Variants in GRAP2 observed in about 807,000 individuals in gnomAD.
GRAP2 encodes the protein GRB2-related adapter protein 2.
In GRAP2, 31 loss-of-function variants were observed where a neutral mutation model predicts 43.5. The observed-to-expected ratio is 0.71, with a 90% CI of 0.54 to 0.96. GRAP2 has a LOEUF of 0.96. Among genes scored for constraint, GRAP2 ranks in the 40% least tolerant of loss-of-function variants. The pLI is 0.00. For synonymous variants in GRAP2, 156 were observed against 164.8 expected (o/e 0.95, Z 0.41); for missense variants, 371 against 424.4 (o/e 0.87, Z 1.11).
intron 1 of GRAP2, among the ~76,000 whole-genome samples, chr22:39,901,960 A>T (rs2066496167): frequency 6.6e-6 from 1 of 152,062 alleles, no homozygotes; most frequent in Non-Finnish European, 1.5e-5. Context: ...CTTTGTCCCA[A>T]CTCTTCCTGA....
chr22:39,939,874 C>T (rs1279153523), intron 1 of GRAP2, among the ~76,000 whole-genome samples: 1 of 151,086 alleles, frequency 6.6e-6, no homozygotes, highest in Admixed American at 6.6e-5. Flanking sequence ...GTGCCACTGC[C>T]CTCCAGCCTG....
At chr22:39,916,735 A>C (rs1335331521) in intron 1 of GRAP2, among the ~76,000 whole-genome samples, 1 of 152,240 alleles carries the variant, frequency 6.6e-6, no homozygotes, top group Non-Finnish European at 1.5e-5. Flanking sequence ...CTTCTTGTGC[A>C]GAGTGCGGGG....
chr22:39,921,218 GA>G (rs1302384806), intron 1 of GRAP2, among the ~76,000 whole-genome samples: 1 of 152,150 alleles, frequency 6.6e-6, no homozygotes, highest in Admixed American at 6.5e-5. Context: ...AGCCAGCCTG[GA>G]TTTGAATTTC....
chr22:39,901,134 G>A lies in GRAP2; in HGVS notation c.-211G>A. 1 of 431,530 alleles carries A rather than the reference G, an allele frequency of 2.3e-6. No individual in the cohort carries two copies. The highest frequency in any genetic ancestry group is 1.7e-5 in the South Asian group (1 of 57,244). The allele number at this position is 431,530 out of a possible 1,614,324, so 26.7% of individuals were successfully genotyped here. ...TTTGGAGGAGGGAGTAAGAGGTGGGGAGGAGGAGGCACAGTTAATGGATCT... is the reference window on the plus strand; with the variant it reads ...TTTGGAGGAGGGAGTAAGAGGTGGGAAGGAGGAGGCACAGTTAATGGATCT... On this transcript the variant is annotated 5_prime_UTR_variant, in exon 1 of 8. Coordinates refer to ENST00000344138, the MANE Select transcript of GRAP2 (RefSeq NM_004810.4).
intron 5 of GRAP2, among the ~76,000 whole-genome samples, chr22:39,966,652 T>TGGG (rs1325381045): frequency 2.0e-5 from 3 of 152,082 alleles, no homozygotes; most frequent in Non-Finnish European, 4.4e-5. Flanking sequence ...ATGATGGGAT[T>TGGG]GGGGGTAGGG....
At chr22:39,894,080 A>C in the GRAP2 span, among the ~76,000 whole-genome samples, 1 of 152,024 alleles carries the variant, frequency 6.6e-6, no homozygotes, top group African/African-American at 2.4e-5. Flanking sequence ...CAACGTAAAA[A>C]CGGACATTAA....
chr22:39,909,922 G>A lies in GRAP2; in HGVS notation c.-15+8592G>A, dbSNP rs529170523. ...ATCTGTTTATTTTGCAAACAACAAA[G>A]AGTCAGAAGAGCCATGTGAAGTTTC... On this transcript the variant is annotated intron_variant, in intron 1 of 7. Coordinates refer to ENST00000344138, the MANE Select transcript of GRAP2 (RefSeq NM_004810.4). 1.8e-3 allele frequency among the ~76,000 whole-genome samples: 281 copies of A among 152,262 alleles called. 2 individuals carry two copies. The highest frequency in any genetic ancestry group is 0.01 in the Middle Eastern group (3 of 294).
intron 3 of GRAP2, among the ~76,000 whole-genome samples, chr22:39,958,637 A>G (rs2067083666): frequency 2.0e-5 from 3 of 152,220 alleles, no homozygotes; most frequent in Admixed American, 2.0e-4. Context: ...TGATTTTTAC[A>G]AATCTTTAAA....
chr22:39,896,695 TG>T (rs1238624502), upstream of GRAP2, among the ~76,000 whole-genome samples: 2 of 152,132 alleles, frequency 1.3e-5, no homozygotes, highest in Non-Finnish European at 2.9e-5. Flanking sequence ...TGGTTAGGCT[TG>T]GCAAAAGTGT....
rs1426952536 is a variant in GRAP2, at chr22:39,966,150, G to A, written c.451G>A (p.Glu151Lys). 2 of 1,613,920 alleles carry A rather than the reference G, an allele frequency of 1.2e-6. No individual in the cohort carries two copies. Among genetic ancestry groups the A allele is most frequent in the African/African-American group, 2.7e-5 (2 of 75,016 alleles). ...GATCTTCCTTAGAGACAGAACCCGAGAAGACCAGGTATGCTCCAGATCCAG... is the reference window on the plus strand; with the variant it reads ...GATCTTCCTTAGAGACAGAACCCGAAAAGACCAGGTATGCTCCAGATCCAG... ...KQIFLRDRTR[E>K]DQGHRGNSLD... The change falls in exon 5 of 8, where the codon GAA (glutamate) becomes AAA (lysine). Residue 151 changes from glutamate (E) to lysine (K), a missense_variant. Physicochemically the swap from Glu to Lys is moderately conservative, Grantham distance 56 (BLOSUM62 1). Transcript: ENST00000344138.
intron 2 of GRAP2, among the ~76,000 whole-genome samples, chr22:39,950,433 C>T (rs2145642854): frequency 6.6e-6 from 1 of 152,348 alleles, no homozygotes; most frequent in Non-Finnish European, 1.5e-5. Context: ...GTCTACTCCA[C>T]TAGCAAAAGC....
Position 39,973,674 on chromosome 22 carries a change from G to A in GRAP2, c.*2590G>A, listed in dbSNP as rs2067267397. 1 of 152,232 alleles carries A rather than the reference G, an allele frequency of 6.6e-6. No homozygotes were observed. Among genetic ancestry groups the A allele is most frequent in the Admixed American group, 6.5e-5 (1 of 15,282 alleles). The allele number at this position is 152,232 out of a possible 1,614,324, so 9.4% of individuals were successfully genotyped here. A position where few individuals can be genotyped will look rare whatever the true frequency, so the allele number is the denominator to read the frequency against. On this transcript the variant is annotated 3_prime_UTR_variant, in exon 8 of 8. Coordinates refer to ENST00000344138, the MANE Select transcript of GRAP2 (RefSeq NM_004810.4). ...ACTGTCCACATTATGGAGGGGAGGG[G>A]GAAAGAGAGCTCAACCCCCCTCAGC...
At chr22:39,962,308 A>G (rs2067127803) in intron 4 of GRAP2, among the ~76,000 whole-genome samples, 1 of 151,888 alleles carries the variant, frequency 6.6e-6, no homozygotes, top group Non-Finnish European at 1.5e-5. Context: ...TGTGGTCCCA[A>G]CTACTTGGGA....
chr22:39,962,645 A>G (rs1352224009), intron 4 of GRAP2, among the ~76,000 whole-genome samples: 1 of 151,774 alleles, frequency 6.6e-6, no homozygotes, highest in East Asian at 1.9e-4. Context: ...TCAGCTAGAA[A>G]CTATGGTTTT....
chr22:39,969,454 G>A lies in GRAP2; in HGVS notation c.734G>A (p.Gly245Asp), dbSNP rs775298849. ...CTTGACATAAATGATGGGCATTGTG[G>A]CACCGGCTTGGGCAGTGAAATGAAT... ...GSLDINDGHCGTGLGSEMNAA... is the reference protein window; with the variant it reads ...GSLDINDGHCDTGLGSEMNAA... Residue 245 changes from glycine to aspartate, a missense_variant, in exon 7 of 8, where the codon GGC (glycine) becomes GAC (aspartate). Physicochemically the swap from Gly to Asp is moderately conservative, Grantham distance 94. Coordinates refer to ENST00000344138, the MANE Select transcript of GRAP2 (RefSeq NM_004810.4). 6.2e-6 allele frequency: 10 copies of A among 1,613,856 alleles called. No individual in the cohort carries two copies. The South Asian group carries it at 7.7e-5, about 12-fold the overall frequency.
chr22:39,965,941 T>G, intron 4 of GRAP2, 49 bp from the exon 5 acceptor site: 9 of 1,486,788 alleles, frequency 6.1e-6, no homozygotes, highest in Non-Finnish European at 7.5e-6. Flanking sequence ...CTGGAGGTGG[T>G]GACATTATCA....
chr22:39,910,990 C>G (rs1475742737), intron 1 of GRAP2, among the ~76,000 whole-genome samples: 1 of 152,128 alleles, frequency 6.6e-6, no homozygotes, highest in African/African-American at 2.4e-5. Context: ...AATCTGCATC[C>G]TTAGACAAAC....
At position 39,969,466 on chromosome 22, in the gene GRAP2, G is replaced by T; in HGVS notation, c.746G>T (p.Gly249Val). 1.9e-6 allele frequency: 3 copies of T among 1,614,066 alleles called. No homozygotes were observed. The highest frequency in any genetic ancestry group is 2.5e-6 in the Non-Finnish European group (3 of 1,179,952). Residue 249 changes from glycine to valine, a missense_variant, in exon 7 of 8, where the codon GGC becomes GTC. Gly to Val is a moderately radical substitution (Grantham distance 109, BLOSUM62 -3). Coordinates refer to ENST00000344138, the MANE Select transcript of GRAP2 (RefSeq NM_004810.4). ...INDGHCGTGL[G>V]SEMNAALMHR... ...GATGGGCATTGTGGCACCGGCTTGG[G>T]CAGTGAAATGAATGCGGCCCTCATG...
At chr22:39,968,378 C>T in intron 6 of GRAP2, 106 bp downstream of exon 6, 12 of 1,307,832 alleles carry the variant, frequency 9.2e-6, no homozygotes, top group Non-Finnish European at 1.3e-5. Flanking sequence ...ATGATGAAGA[C>T]CCTGGACCCC....
Sources: allele counts gnomAD v4.1 joint callset (sites outside exome capture counted in the v4.1 genomes callset), GRCh38; gene constraint gnomAD v4.1.1; transcripts MANE v1.5; gene names NCBI Gene and HGNC (gene_info 2026-07-23, HGNC 2026-07-21).